The following HOXA1 variants were observed in gnomAD, a reference collection of about 807,000 sequenced individuals.
HOXA1 encodes the protein homeobox A1.
HOXA1 carries 21 observed loss-of-function variants against 28.3 expected under a neutral mutation model. That is an observed-to-expected ratio of 0.74 (90% CI 0.53 to 1.07). The LOEUF is 1.07. Ranked by LOEUF, HOXA1 falls within the 50% of genes least tolerant of loss-of-function variation. The probability of loss-of-function intolerance (pLI) is 0.00; values close to 1 mark genes in which losing one functional copy is unlikely to be tolerated. For synonymous variants in HOXA1, 208 were observed against 181.2 expected (o/e 1.15, Z -1.19); for missense variants, 446 against 434.3 (o/e 1.03, Z -0.24).
Position 27,094,283 on chromosome 7 carries a change from T to C in HOXA1, c.*157A>G, listed in dbSNP as rs1783763762. ...GCACCAAGTCTCTGGTCCAGAATTA[T>C]CTGCAAATATATTATCCTGGCCAGG... On this transcript the variant is annotated 3_prime_UTR_variant, in exon 2 of 2. Transcript: ENST00000643460. 1.6e-6 allele frequency: 1 copy of C among 641,602 alleles called. No individual in the cohort carries two copies. Among genetic ancestry groups the C allele is most frequent in the Non-Finnish European group, 2.8e-6 (1 of 361,198 alleles). The allele number at this position is 641,602 out of a possible 1,614,324, so 39.7% of individuals were successfully genotyped here. A position where few individuals can be genotyped will look rare whatever the true frequency, so the allele number is the denominator to read the frequency against.
chr7:27,094,658 C>T lies in HOXA1; in HGVS notation c.790G>A (p.Ala264Thr), dbSNP rs765197009. The change falls in exon 2 of 2, where the codon GCA (alanine) becomes ACA (threonine). Residue 264 changes from alanine (A) to threonine (T), a missense_variant. Physicochemically the swap from Ala to Thr is moderately conservative, Grantham distance 58. Coordinates refer to ENST00000643460, the MANE Select transcript of HOXA1 (RefSeq NM_005522.5). Reference protein sequence around the residue: ...LTRARRVEIAASLQLNETQVK... With the variant: ...LTRARRVEIATSLQLNETQVK... ...TGGGTCTCGTTGAGCTGCAGGGATG[C>T]AGCGATCTCCACCCTGCGGGCGCGC... The T allele has an allele frequency of 1.4e-5, 23 of 1,614,014 alleles. No homozygotes were observed. Among genetic ancestry groups the T allele is most frequent in the Middle Eastern group, 3.3e-4 (2 of 6,082 alleles).
chr7:27,094,656 T>C lies in HOXA1; in HGVS notation c.792A>G (p.Ala264=). 1.9e-6 allele frequency: 3 copies of C among 1,614,124 alleles called. No individual in the cohort carries two copies. Among genetic ancestry groups the C allele is most frequent in the Non-Finnish European group, 2.5e-6 (3 of 1,180,012 alleles). Residue 264 remains alanine (A), a synonymous_variant, in exon 2 of 2, where the codon GCA becomes GCG. Coordinates refer to ENST00000643460, the MANE Select transcript of HOXA1 (RefSeq NM_005522.5). ...LTRARRVEIA[A]SLQLNETQVK... is the part of the protein sequence containing the mutation. ...CTTGGGTCTCGTTGAGCTGCAGGGA[T>C]GCAGCGATCTCCACCCTGCGGGCGC...
At position 27,095,704 on chromosome 7, in the gene HOXA1, T is replaced by C. The variant is rs748952987; in HGVS notation, c.209A>G (p.His70Arg). ...QIGSPHHHHH[H>R]HHRHPQPATY... ...AGCCGGCTGGGGGTGGCGATGGTGGTGGTGGTGGTGGTGGTGGGGCGAACC... is the reference window on the plus strand; with the variant it reads ...AGCCGGCTGGGGGTGGCGATGGTGGCGGTGGTGGTGGTGGTGGGGCGAACC... Residue 70 changes from histidine to arginine, a missense_variant, in exon 1 of 2, where the codon CAC becomes CGC. Transcript: ENST00000643460. The C allele has an allele frequency of 3.1e-6, 5 of 1,605,818 alleles. No homozygotes were observed. In the South Asian group the frequency reaches 4.5e-5, roughly 15 times the overall value.
chr7:27,095,956 G>A lies in HOXA1; in HGVS notation c.-44C>T, dbSNP rs1375748458. 1 of 1,331,512 alleles carries A rather than the reference G, an allele frequency of 7.5e-7. No homozygotes were observed. The highest frequency in any genetic ancestry group is 4.5e-5 in the East Asian group (1 of 22,358). The allele number at this position is 1,331,512 out of a possible 1,614,324, so 82.5% of individuals were successfully genotyped here. ...GTCCTGCGAAGCCCGGCGTGACTGT[G>A]CCAACTTTCTCACTTCCTCCATGGG... On this transcript the variant is annotated 5_prime_UTR_variant, in exon 1 of 2. Transcript: ENST00000643460.
chr7:27,094,564 A>C lies in HOXA1; in HGVS notation c.884T>G (p.Ile295Ser). The C allele has an allele frequency of 6.2e-7, 1 of 1,614,152 alleles. No individual in the cohort carries two copies. Among genetic ancestry groups the C allele is most frequent in the Non-Finnish European group, 8.5e-7 (1 of 1,180,034 alleles). The change falls in exon 2 of 2, where the codon ATC becomes AGC. Residue 295 changes from isoleucine to serine, a missense_variant. Coordinates refer to ENST00000643460, the MANE Select transcript of HOXA1 (RefSeq NM_005522.5). ...KKREKEGLLP[I>S]SPATPPGNDE... ...GTTTCCTGGCGGGGTGGCCGGAGAG[A>C]TGGGCAAGAGACCCTCCTTCTCACG...
intron 1 of HOXA1, among the ~76,000 whole-genome samples, 189 bp downstream of exon 1, chr7:27,095,072 T>A (rs1409938938): frequency 6.6e-6 from 1 of 151,960 alleles, no homozygotes; most frequent in Non-Finnish European, 1.5e-5. Flanking sequence ...ATGTATAAAA[T>A]CCTTGAAAAC....
Position 27,094,318 on chromosome 7 carries a change from G to A in HOXA1, c.*122C>T. ...TATTATCCTGGCCAGGAGCTCCCCA[G>A]ATAGGATTAGAAAGGAAGAAAGAGA... On this transcript the variant is annotated 3_prime_UTR_variant, in exon 2 of 2. Transcript: ENST00000643460. 3.9e-6 allele frequency: 3 copies of A among 767,690 alleles called. No homozygotes were observed. Among genetic ancestry groups the A allele is most frequent in the Non-Finnish European group, 6.8e-6 (3 of 438,842 alleles). 47.6% of individuals were successfully genotyped at this position (767,690 alleles called of 1,614,324 possible).
At position 27,095,328 on chromosome 7, in the gene HOXA1, T is replaced by A. The variant is rs1360230590; in HGVS notation, c.585A>T (p.Ala195=). ...ASHQEACRSP[A]SETSSPAQTF... is the part of the protein sequence containing the mutation. ...TCTGCGCTGGAGAAGATGTCTCCGA[T>A]GCGGGGGAGCGACAGGCTTCTTGGT... Residue 195 remains alanine (A), a synonymous_variant, in exon 1 of 2, where the codon GCA becomes GCT. Coordinates refer to ENST00000643460, the MANE Select transcript of HOXA1 (RefSeq NM_005522.5). 6.2e-7 allele frequency: 1 copy of A among 1,613,848 alleles called. No homozygotes were observed. The highest frequency in any genetic ancestry group is 8.5e-7 in the Non-Finnish European group (1 of 1,179,994).
chr7:27,093,201 T>G lies in HOXA1; in HGVS notation c.*1239A>C, dbSNP rs2128032267. The G allele has an allele frequency of 6.5e-6, 1 of 152,780 alleles. No individual in the cohort carries two copies. 9.5% of individuals were successfully genotyped at this position (152,780 alleles called of 1,614,324 possible). ...TTTATTCAAGAAAAGGCCCATCTCT[T>G]TGAAAATATTTACCACCCTTCTCCC... On this transcript the variant is annotated 3_prime_UTR_variant, in exon 2 of 2. Coordinates refer to ENST00000643460, the MANE Select transcript of HOXA1 (RefSeq NM_005522.5).
In HOXA1 at chr7:27,094,644, G is replaced by T. The variant is rs766139746; in HGVS notation, c.804C>A (p.Leu268=). The T allele has an allele frequency of 2.5e-6, 4 of 1,614,062 alleles. No homozygotes were observed. In the South Asian group the frequency reaches 4.4e-5, roughly 18 times the overall value. The change falls in exon 2 of 2, where the codon CTC becomes CTA. Residue 268 remains leucine (L), a synonymous_variant. Transcript: ENST00000643460. The part of the protein sequence containing the change: ...RRVEIAASLQ[L]NETQVKIWFQ... ...ACCAGATCTTCACTTGGGTCTCGTT[G>T]AGCTGCAGGGATGCAGCGATCTCCA...
In HOXA1 at chr7:27,093,349, C is replaced by G. The variant is rs543577665; in HGVS notation, c.*1091G>C. The G allele has an allele frequency of 6.6e-6, 1 of 152,560 alleles. No homozygotes were observed. The highest frequency in any genetic ancestry group is 2.1e-4 in the South Asian group (1 of 4,834). 9.5% of individuals were successfully genotyped at this position (152,560 alleles called of 1,614,324 possible). A position where few individuals can be genotyped will look rare whatever the true frequency, so the allele number is the denominator to read the frequency against. ...TATTTATTACAGACATCCTAAGACC[C>G]GTAAACTCTGCTCTGGATCATATCA... On this transcript the variant is annotated 3_prime_UTR_variant, in exon 2 of 2. Coordinates refer to ENST00000643460, the MANE Select transcript of HOXA1 (RefSeq NM_005522.5).
In HOXA1 at chr7:27,093,048, GA is replaced by G. The variant is rs757392498; in HGVS notation, c.*1391del. 3.3e-5 allele frequency: 5 copies of G among 152,632 alleles called. No homozygotes were observed. Among genetic ancestry groups the G allele is most frequent in the African/African-American group, 1.2e-4 (5 of 41,450 alleles). The allele number at this position is 152,632 out of a possible 1,614,324, so 9.5% of individuals were successfully genotyped here. A position where few individuals can be genotyped will look rare whatever the true frequency, so the allele number is the denominator to read the frequency against. ...TATACGTCAACATCCAGTTGGAGGT[GA>G]AAAGGTTAGCACTTGACCCAGGAAG... On this transcript the variant is annotated 3_prime_UTR_variant, in exon 2 of 2. Transcript: ENST00000643460.
In HOXA1 at chr7:27,095,343, G is replaced by A. The variant is rs756301251; in HGVS notation, c.570C>T (p.Ala190=). Residue 190 remains alanine (A), a synonymous_variant, in exon 1 of 2, where the codon GCC becomes GCT. Coordinates refer to ENST00000643460, the MANE Select transcript of HOXA1 (RefSeq NM_005522.5). ...ATGTCTCCGATGCGGGGGAGCGACA[G>A]GCTTCTTGGTGGCTGGCGTGGAGAG... ...LSPLHASHQE[A]CRSPASETSS... is the part of the protein sequence containing the mutation. 1.2e-6 allele frequency: 2 copies of A among 1,614,116 alleles called. No homozygotes were observed. The highest frequency in any genetic ancestry group is 2.2e-5 in the East Asian group (1 of 44,866).
Position 27,095,966 on chromosome 7 carries a change from T to A in HOXA1, c.-54A>T. On this transcript the variant is annotated 5_prime_UTR_variant, in exon 1 of 2. The change creates a premature stop within an existing upstream ORF in the 5' untranslated region. Coordinates refer to ENST00000643460, the MANE Select transcript of HOXA1 (RefSeq NM_005522.5). ...GCCCGGCGTGACTGTGCCAACTTTCTCACTTCCTCCATGGGGCCGGAGAAG... is the reference window on the plus strand; with the variant it reads ...GCCCGGCGTGACTGTGCCAACTTTCACACTTCCTCCATGGGGCCGGAGAAG... 1 of 1,240,714 alleles carries A rather than the reference T, an allele frequency of 8.1e-7. No homozygotes were observed. Among genetic ancestry groups the A allele is most frequent in the Non-Finnish European group, 1.1e-6 (1 of 915,772 alleles). The allele number at this position is 1,240,714 out of a possible 1,614,324, so 76.9% of individuals were successfully genotyped here. A position where few individuals can be genotyped will look rare whatever the true frequency, so the allele number is the denominator to read the frequency against.
chr7:27,094,267 C>T lies in HOXA1; in HGVS notation c.*173G>A. The T allele has an allele frequency of 4.9e-6, 3 of 616,478 alleles. No individual in the cohort carries two copies. In the South Asian group the frequency reaches 5.7e-5, roughly 12 times the overall value. The allele number at this position is 616,478 out of a possible 1,614,324, so 38.2% of individuals were successfully genotyped here. ...TGAAGGTGTTAACCCCGCACCAAGT[C>T]TCTGGTCCAGAATTATCTGCAAATA... On this transcript the variant is annotated 3_prime_UTR_variant, in exon 2 of 2. Coordinates refer to ENST00000643460, the MANE Select transcript of HOXA1 (RefSeq NM_005522.5).
At position 27,093,013 on chromosome 7, in the gene HOXA1, T is replaced by A. The variant is rs1783741300; in HGVS notation, c.*1427A>T. ...GACAGTTTTGGCTTTTGAAGGGAGT[T>A]CTGTTTATATATACGTCAACATCCA... On this transcript the variant is annotated 3_prime_UTR_variant, in exon 2 of 2. Coordinates refer to ENST00000643460, the MANE Select transcript of HOXA1 (RefSeq NM_005522.5). The A allele has an allele frequency of 6.6e-6, 1 of 152,638 alleles. No homozygotes were observed. The allele number at this position is 152,638 out of a possible 1,614,324, so 9.5% of individuals were successfully genotyped here.
At position 27,095,664 on chromosome 7, in the gene HOXA1, G is replaced by A. The variant is rs1783804544; in HGVS notation, c.249C>T (p.Ser83=). ...RHPQPATYQT[S]GNLGVSYSHS... ...GGGAGTAGGACACCCCCAGGTTCCC[G>A]GAAGTCTGGTAGGTAGCCGGCTGGG... is the stretch of plus-strand genomic sequence containing the variant. The change falls in exon 1 of 2, where the codon TCC becomes TCT. Residue 83 remains serine, a synonymous_variant. Transcript: ENST00000643460. 6.2e-7 allele frequency: 1 copy of A among 1,614,076 alleles called. No individual in the cohort carries two copies.
At position 27,095,899 on chromosome 7, in the gene HOXA1, C is replaced by T; in HGVS notation, c.14G>A (p.Arg5Lys). 2 of 1,613,574 alleles carry T rather than the reference C, an allele frequency of 1.2e-6. No individual in the cohort carries two copies. The highest frequency in any genetic ancestry group is 1.7e-6 in the Non-Finnish European group (2 of 1,180,008). Residue 5 changes from arginine (R) to lysine (K), a missense_variant, in exon 1 of 2, where the codon AGA (arginine) becomes AAA (lysine). Transcript: ENST00000643460. Reference sequence around the variant, plus strand: ...GGGGTATTCCAGGAAGGAGTTCATTCTTGCATTGTCCATCTGTCACTGAGT... The same window carrying T: ...GGGGTATTCCAGGAAGGAGTTCATTTTTGCATTGTCCATCTGTCACTGAGT... Reference protein sequence around the residue: MDNARMNSFLEYPIL... With the variant: MDNAKMNSFLEYPIL...
At chr7:27,094,930 G>C (rs1783785190) in intron 1 of HOXA1, 135 bp from the exon 2 acceptor site, 1 of 717,546 alleles carries the variant, frequency 1.4e-6, no homozygotes, top group Non-Finnish European at 2.4e-6. Flanking sequence ...TGTGGAGGGT[G>C]AGTGATGAGG....
Sources: gnomAD v4.1 joint callset for allele counts (sites outside exome capture counted in the v4.1 genomes callset) on GRCh38, gnomAD v4.1.1 for gene constraint, MANE v1.5 for transcripts, NCBI Gene and HGNC (gene_info 2026-07-23, HGNC 2026-07-21) for gene names.